CBLB: variants seen among roughly 807,000 people sequenced by gnomAD.
CBLB encodes the protein Cbl proto-oncogene B, also known as E3 ubiquitin-protein ligase CBL-B.
Under a neutral mutation model 104.9 loss-of-function variants are expected in CBLB, and 31 were observed. The observed-to-expected ratio is 0.30, with a 90% CI of 0.22 to 0.40. The LOEUF (loss-of-function observed/expected upper bound fraction) is 0.40. Among genes scored for constraint, CBLB ranks in the 10% least tolerant of loss-of-function variants. CBLB has a pLI of 1.00. For synonymous variants in CBLB, 440 were observed against 422.6 expected (o/e 1.04, Z -0.51); for missense variants, 1,062 against 1,214.6 (o/e 0.87, Z 1.87).
rs56004331 is a variant in CBLB, at chr3:105,860,125, C to T, written c.169-6461G>A. Among the ~76,000 whole-genome samples, 985 of 152,246 alleles carry T rather than the reference C, an allele frequency of 6.5e-3. 12 individuals carry two copies. The highest frequency in any genetic ancestry group is 0.023 in the African/African-American group (942 of 41,548). On this transcript the variant is annotated intron_variant, in intron 2 of 18. Transcript: ENST00000394030. ...TTTCTTCCAAATGAGAATGGAACTT[C>T]CTTGAAAGTGAAGAACAGTCTTTCT...
chr3:105,817,437 G>A (rs762246107), intron 3 of CBLB, among the ~76,000 whole-genome samples: 5 of 152,170 alleles, frequency 3.3e-5, no homozygotes, highest in African/African-American at 7.2e-5. Flanking sequence ...CTTGAAGCTT[G>A]AGGACACTAA....
rs558115534 is a variant in CBLB at position 105,822,084 on chromosome 3, T to C, written c.419+31330A>G. ...GTTATTTAACCAATTGACACTATTA[T>C]AAATAACTTATATTATTATTTATCA... On this transcript the variant is annotated intron_variant, in intron 3 of 18. Coordinates refer to ENST00000394030, the MANE Select transcript of CBLB (RefSeq NM_170662.5). Among the ~76,000 whole-genome samples the C allele has an allele frequency of 3.0e-3, 456 of 152,168 alleles. 2 individuals carry two copies. Among genetic ancestry groups the C allele is most frequent in the Middle Eastern group, 6.8e-3 (2 of 294 alleles).
intron 9 of CBLB, among the ~76,000 whole-genome samples, chr3:105,721,917 G>A (rs2072894210): frequency 6.6e-6 from 1 of 151,942 alleles, no homozygotes; most frequent in African/African-American, 2.4e-5. Context: ...ATCCATATTA[G>A]GTGCCTATAG....
At position 105,681,910 on chromosome 3, in the gene CBLB, T is replaced by C. The variant is rs923968680; in HGVS notation, c.2202-92A>G. Reference sequence around the variant, plus strand: ...TAGAGGGAACTAGTATTCCTGTTTATTTAATAAAGTTTGAACATATATTTT... The same window carrying C: ...TAGAGGGAACTAGTATTCCTGTTTACTTAATAAAGTTTGAACATATATTTT... On this transcript the variant is annotated intron_variant, in intron 14 of 18. Coordinates refer to ENST00000394030, the MANE Select transcript of CBLB (RefSeq NM_170662.5). 4.0e-6 allele frequency: 3 copies of C among 757,378 alleles called. No homozygotes were observed. The Admixed American group carries it at 6.2e-5, about 16-fold the overall frequency. 46.9% of individuals were successfully genotyped at this position (757,378 alleles called of 1,614,324 possible). A position where few individuals can be genotyped will look rare whatever the true frequency, so the allele number is the denominator to read the frequency against.
intron 3 of CBLB, among the ~76,000 whole-genome samples, chr3:105,830,402 T>C (rs2087310701): frequency 1.3e-5 from 2 of 152,200 alleles, no homozygotes; most frequent in South Asian, 4.1e-4. Flanking sequence ...CTCAGCACTA[T>C]AAGGATCTGA....
chr3:105,797,300 G>A (rs1302845876), intron 3 of CBLB, among the ~76,000 whole-genome samples: 2 of 152,180 alleles, frequency 1.3e-5, no homozygotes, highest in Admixed American at 6.5e-5. Flanking sequence ...GATGGAGCTG[G>A]AGGCCATTAT....
chr3:105,659,924 G>C (rs890136348), intron 18 of CBLB, among the ~76,000 whole-genome samples: 1 of 152,172 alleles, frequency 6.6e-6, no homozygotes, highest in South Asian at 2.1e-4. Flanking sequence ...TTGCAATGTA[G>C]GAAGTTTTGC....
At chr3:105,869,063 G>A (rs1706721882), upstream of CBLB, 2 of 1,058,912 alleles carry the variant, frequency 1.9e-6, no homozygotes, top group African/African-American at 1.8e-5. Context: ...GGGGCGGGGC[G>A]GGGGCGGGGC....
At chr3:105,707,646 T>G (rs755760026) in intron 10 of CBLB, among the ~76,000 whole-genome samples, 8 of 152,178 alleles carry the variant, frequency 5.3e-5, no homozygotes, top group Non-Finnish European at 1.0e-4. Context: ...GTAATGTTCA[T>G]ATAGAAGGTC....
intron 3 of CBLB, among the ~76,000 whole-genome samples, chr3:105,829,666 C>CAAAAAAA (rs71627689): frequency 8.5e-5 from 4 of 47,022 alleles, no homozygotes; most frequent in East Asian, 8.8e-4. Flanking sequence ...AAGACCGTCC[C>CAAAAAAA]AAAAAAAAAA....
At position 105,744,311 on chromosome 3, in the gene CBLB, C is replaced by T. The variant is rs75437821; in HGVS notation, c.845+1606G>A. ...ACCACAACACATTTTTCACATCATA[C>T]GCCAAGAGCAAGAAAGATACTTTAT... On this transcript the variant is annotated intron_variant, in intron 6 of 18. Coordinates refer to ENST00000394030, the MANE Select transcript of CBLB (RefSeq NM_170662.5). Among the ~76,000 whole-genome samples the T allele has an allele frequency of 5.4e-3, 820 of 152,170 alleles. 8 individuals carry two copies. Among genetic ancestry groups the T allele is most frequent in the African/African-American group, 0.018 (745 of 41,522 alleles).
At chr3:105,682,225 A>AT (rs2066404144) in intron 14 of CBLB, 1 of 163,706 alleles carries the variant, frequency 6.1e-6, no homozygotes, top group African/African-American at 2.4e-5. Context: ...ATTTAATATC[A>AT]TATTTTTGCT....
intron 3 of CBLB, among the ~76,000 whole-genome samples, chr3:105,831,372 G>C (rs926388805): frequency 6.6e-6 from 1 of 152,182 alleles, no homozygotes; most frequent in Admixed American, 6.5e-5. Flanking sequence ...GAAAGGATGG[G>C]GATCTCCAGG....
intron 16 of CBLB, among the ~76,000 whole-genome samples, chr3:105,679,288 CT>C (rs1286351658): frequency 7.5e-5 from 11 of 146,802 alleles, no homozygotes; most frequent in South Asian, 6.5e-4. Flanking sequence ...TATTTGTCCC[CT>C]GTCACACCTT....
intron 9 of CBLB, among the ~76,000 whole-genome samples, chr3:105,728,140 C>T (rs1208502593): frequency 1.3e-5 from 2 of 152,062 alleles, no homozygotes; most frequent in Non-Finnish European, 2.9e-5. Context: ...GGCATTTTGG[C>T]CATTTTCATG....
At chr3:105,849,948 T>C (rs1401110405) in intron 3 of CBLB, among the ~76,000 whole-genome samples, 1 of 152,168 alleles carries the variant, frequency 6.6e-6, no homozygotes, top group East Asian at 1.9e-4. Flanking sequence ...TTAGCACTTC[T>C]TGAAAAGTGT....
intron 11 of CBLB, 34 bp from the exon 12 acceptor site, chr3:105,702,493 A>AAAC: frequency 2.0e-6 from 3 of 1,477,500 alleles, no homozygotes; most frequent in Non-Finnish European, 2.7e-6. Flanking sequence ...AAAAAAAAAA[A>AAAC]AAAAAACTAA....
At chr3:105,846,421 T>C (rs964337294) in intron 3 of CBLB, among the ~76,000 whole-genome samples, 1 of 152,096 alleles carries the variant, frequency 6.6e-6, no homozygotes, top group African/African-American at 2.4e-5. Flanking sequence ...TAAGATTCTC[T>C]TGCAAATAAT....
At chr3:105,766,348 A>G (rs1379001853) in intron 4 of CBLB, among the ~76,000 whole-genome samples, 1 of 152,230 alleles carries the variant, frequency 6.6e-6, no homozygotes, top group Non-Finnish European at 1.5e-5. Context: ...TGGTTGATAA[A>G]GCAGTGGCAG....
Sources: gnomAD v4.1 joint callset for allele counts (sites outside exome capture counted in the v4.1 genomes callset) on GRCh38, gnomAD v4.1.1 for gene constraint, MANE v1.5 for transcripts, NCBI Gene and HGNC (gene_info 2026-07-23, HGNC 2026-07-21) for gene names.